LINGO2: variants seen among roughly 807,000 people sequenced by gnomAD.
LINGO2 encodes the protein leucine-rich repeat and immunoglobulin-like domain-containing nogo receptor-interacting protein 2.
Under a neutral mutation model 30.6 loss-of-function variants are expected in LINGO2, and 14 were observed. The ratio of observed to expected loss-of-function variants is 0.46; its 90% CI spans 0.30 to 0.72. The LOEUF (loss-of-function observed/expected upper bound fraction) is 0.72, where lower values mean the gene tolerates loss of function less well. LINGO2 is among the 30% of genes least tolerant of loss of function. The probability of loss-of-function intolerance (pLI) is 0.07; values close to 1 mark genes in which losing one functional copy is unlikely to be tolerated. For missense variants in LINGO2, 729 were observed against 751.7 expected (o/e 0.97, Z 0.35); for synonymous variants, 317 against 288.5 (o/e 1.10, Z -1.00).
At chr9:28,135,008 C>T (rs568262203) in intron 4 of LINGO2, among the ~76,000 whole-genome samples, 11 of 152,318 alleles carry the variant, frequency 7.2e-5, no homozygotes, top group African/African-American at 2.4e-4. Context: ...AGGCCCACAC[C>T]AGGAACCTCT....
At chr9:28,020,366 TAAC>T (rs1406804636) in intron 4 of LINGO2, among the ~76,000 whole-genome samples, 1 of 152,030 alleles carries the variant, frequency 6.6e-6, no homozygotes, top group Admixed American at 6.6e-5. Flanking sequence ...TCGACTCTAC[TAAC>T]AATACAAAAA....
the LINGO2 span, among the ~76,000 whole-genome samples, chr9:28,775,404 G>A: frequency 6.6e-6 from 1 of 152,148 alleles, no homozygotes; most frequent in Non-Finnish European, 1.5e-5. Flanking sequence ...GAAACTATCT[G>A]TGCATAGGTA....
At chr9:28,491,176 T>C (rs1470628919) in intron 1 of LINGO2, among the ~76,000 whole-genome samples, 2 of 152,174 alleles carry the variant, frequency 1.3e-5, no homozygotes, top group East Asian at 3.9e-4. Flanking sequence ...GTAAGAAGTC[T>C]GAAATGAGTC....
chr9:28,467,501 T>G (rs1359054387), intron 2 of LINGO2, among the ~76,000 whole-genome samples: 1 of 152,170 alleles, frequency 6.6e-6, no homozygotes, highest in Non-Finnish European at 1.5e-5. Context: ...AATGCTGAAA[T>G]CATATATCTA....
chr9:28,477,368 A>G (rs536585990), intron 1 of LINGO2, among the ~76,000 whole-genome samples: 19 of 152,308 alleles, frequency 1.2e-4, no homozygotes, highest in African/African-American at 4.3e-4. Flanking sequence ...GCACAGTTTA[A>G]GTGAATTATT....
intron 1 of LINGO2, among the ~76,000 whole-genome samples, chr9:28,561,464 A>T (rs961263696): frequency 1.3e-5 from 2 of 150,880 alleles, no homozygotes; most frequent in African/African-American, 4.9e-5. Flanking sequence ...ACCTCAGGAG[A>T]TTTGTCCCTG....
the LINGO2 span, among the ~76,000 whole-genome samples, chr9:28,922,012 C>T: frequency 6.6e-6 from 1 of 152,072 alleles, no homozygotes; most frequent in African/African-American, 2.4e-5. Context: ...TGCCCCATGC[C>T]CTCCCCCAGG....
At chr9:28,483,518 T>C (rs1421153277) in intron 1 of LINGO2, among the ~76,000 whole-genome samples, 1 of 151,342 alleles carries the variant, frequency 6.6e-6, no homozygotes, top group Non-Finnish European at 1.5e-5. Context: ...AACCTAAATA[T>C]GAGGTTTCAC....
chr9:28,148,933 A>T lies in LINGO2; in HGVS notation c.-86-136528T>A. On this transcript the variant is annotated intron_variant, in intron 4 of 5. Transcript: ENST00000379992. The surrounding 1 kb of genome is among the most constrained non-coding windows in gnomAD (Gnocchi z 5.1). ...GGTCAAGTAGGTCTTCTCCACACAG[A>T]GCTGCCGGCCACAGTTCCCACAAAA... The T allele has an allele frequency of 2.0e-6, 3 of 1,533,974 alleles. No homozygotes were observed. The South Asian group carries it at 3.6e-5, about 18-fold the overall frequency.
chr9:28,920,904 A>G, the LINGO2 span, among the ~76,000 whole-genome samples: 1 of 152,194 alleles, frequency 6.6e-6, no homozygotes, highest in South Asian at 2.1e-4. Flanking sequence ...AGTGGAGATA[A>G]AATACCTACA....
At chr9:28,747,016 G>T in the LINGO2 span, among the ~76,000 whole-genome samples, 1 of 151,972 alleles carries the variant, frequency 6.6e-6, no homozygotes, top group Non-Finnish European at 1.5e-5. Flanking sequence ...TGGTTCCCCA[G>T]GGCAAAGCCC....
At chr9:29,162,215 C>T in the LINGO2 span, among the ~76,000 whole-genome samples, 49 of 152,164 alleles carry the variant, frequency 3.2e-4, no homozygotes, top group African/African-American at 1.2e-3. Flanking sequence ...CCACCATGCC[C>T]GGCCTTGAGA....
the LINGO2 span, among the ~76,000 whole-genome samples, chr9:28,976,193 T>C: frequency 6.6e-6 from 1 of 152,160 alleles, no homozygotes; most frequent in East Asian, 1.9e-4. Context: ...AGGGGGCTGC[T>C]TTCTCAGTTT....
intron 2 of LINGO2, among the ~76,000 whole-genome samples, chr9:28,386,574 A>G (rs1821588876): frequency 6.6e-6 from 1 of 152,188 alleles, no homozygotes; most frequent in South Asian, 2.1e-4. Context: ...AAAAACCACA[A>G]TATCTTCAAT....
Position 28,233,052 on chromosome 9 carries a change from ATATATATAT to A in LINGO2, c.-87+62147_-87+62155del, listed in dbSNP as rs1564062932. ...ACATTATATATATATATATATATAT[ATATATATAT>A]TAGATATATAATAGATATACAGTAA... is the stretch of plus-strand genomic sequence containing the variant. On this transcript the variant is annotated intron_variant, in intron 4 of 5. Coordinates refer to ENST00000379992, the Ensembl canonical transcript of LINGO2. Among the ~76,000 whole-genome samples, 122 of 120,000 alleles carry A rather than the reference ATATATATAT, an allele frequency of 1.0e-3. 4 individuals carry two copies. The South Asian group carries it at 0.025, about 25-fold the overall frequency. 78.7% of individuals were successfully genotyped at this position (120,000 alleles called of 152,430 possible). A position where few individuals can be genotyped will look rare whatever the true frequency, so the allele number is the denominator to read the frequency against.
At chr9:28,653,508 T>C (rs1327162571) in intron 1 of LINGO2, among the ~76,000 whole-genome samples, 1 of 152,070 alleles carries the variant, frequency 6.6e-6, no homozygotes, top group Admixed American at 6.6e-5. Context: ...ACAATACACA[T>C]CTCCATCACA....
intron 5 of LINGO2, among the ~76,000 whole-genome samples, chr9:27,982,670 C>T (rs1233828373): frequency 3.3e-5 from 5 of 151,826 alleles, no homozygotes; most frequent in Non-Finnish European, 7.4e-5. Flanking sequence ...ACTGAGTAAT[C>T]TGATTAAAGA....
At chr9:28,403,477 A>G (rs1273422824) in intron 2 of LINGO2, among the ~76,000 whole-genome samples, 1 of 152,106 alleles carries the variant, frequency 6.6e-6, no homozygotes, top group East Asian at 1.9e-4. Flanking sequence ...GGTAATGTAT[A>G]TCATTGGGGT....
chr9:29,157,626 A>G, the LINGO2 span, among the ~76,000 whole-genome samples: 3 of 152,350 alleles, frequency 2.0e-5, no homozygotes, highest in East Asian at 1.9e-4. Context: ...TTTCAAAGAT[A>G]TAAGTGGACA....
Sources: gnomAD v4.1 joint callset for allele counts (sites outside exome capture counted in the v4.1 genomes callset) on GRCh38, gnomAD v4.1.1 for gene constraint, Gnocchi (gnomAD v3.1) non-coding constraint, MANE v1.5 for transcripts, NCBI Gene and HGNC (gene_info 2026-07-23, HGNC 2026-07-21) for gene names.